Variants in IL36B observed in about 807,000 individuals in gnomAD.
IL36B encodes interleukin 36 beta.
A neutral mutation model predicts 19.3 loss-of-function variants in IL36B; 23 were observed. The ratio of observed to expected loss-of-function variants is 1.19; its 90% confidence interval spans 0.86 to 1.69. The LOEUF is 1.69. IL36B is among the 40% of genes most tolerant of loss of function. IL36B has a pLI of 0.00. For missense variants in IL36B, 217 were observed against 200.5 expected (o/e 1.08, Z -0.50); for synonymous variants, 59 against 59.7 (o/e 0.99, Z 0.05).
chr2:113,035,653 T>A (rs72944575), intron 1 of IL36B, among the ~76,000 whole-genome samples: 1 of 151,982 alleles, frequency 6.6e-6, no homozygotes, highest in Non-Finnish European at 1.5e-5. Flanking sequence ...ACAAAAATAT[T>A]TTGATGTTTA....
chr2:113,026,099 T>C lies in IL36B; in HGVS notation c.391+4A>G, dbSNP rs1340036531. ...TGGGATGGATAAGAGAATTTGCTCC[T>C]CACCCACTCCTATTCCCCATTGGTC... On this transcript the variant is annotated splice_donor_region_variant and intron_variant, in intron 5 of 5. Coordinates refer to ENST00000259213, the MANE Select transcript of IL36B (RefSeq NM_014438.5). 1 of 1,613,364 alleles carries C rather than the reference T, an allele frequency of 6.2e-7. No individual in the cohort carries two copies. The highest frequency in any genetic ancestry group is 8.5e-7 in the Non-Finnish European group (1 of 1,179,556).
chr2:113,029,135 GT>G (rs1166765196), intron 3 of IL36B, 57 bp from the exon 4 acceptor site: 2 of 1,553,254 alleles, frequency 1.3e-6, no homozygotes, highest in Middle Eastern at 1.7e-4. Context: ...CTGACACTCA[GT>G]TACTCCCCCC....
rs34433610 is a variant in IL36B, at chr2:113,037,522, G to A, written c.-57-5756C>T. Among the ~76,000 whole-genome samples the A allele has an allele frequency of 1.6e-3, 247 of 152,240 alleles. 1 individual carries two copies. The highest frequency in any genetic ancestry group is 5.7e-3 in the African/African-American group (235 of 41,538). On this transcript the variant is annotated intron_variant, in intron 1 of 5. Transcript: ENST00000259213. The stretch of plus-strand genomic sequence containing the variant: ...AAATTAGCCAGGCGTGGTGGCACAT[G>A]CTTGTAGTCCCAGCTACTCGGGAGG...
intron 4 of IL36B, among the ~76,000 whole-genome samples, chr2:113,028,679 A>C (rs1379340157): frequency 6.6e-6 from 1 of 152,184 alleles, no homozygotes; most frequent in Non-Finnish European, 1.5e-5. Flanking sequence ...AATGGAGAAA[A>C]TACTGTTCTT....
In IL36B at chr2:113,022,417, A is replaced by G. The variant is rs1684877873; in HGVS notation, c.*257T>C. 3.9e-6 allele frequency: 1 copy of G among 253,988 alleles called. No individual in the cohort carries two copies. Among genetic ancestry groups the G allele is most frequent in the African/African-American group, 2.3e-5 (1 of 44,262 alleles). 15.7% of individuals were successfully genotyped at this position (253,988 alleles called of 1,614,324 possible). A position where few individuals can be genotyped will look rare whatever the true frequency, so the allele number is the denominator to read the frequency against. On this transcript the variant is annotated 3_prime_UTR_variant, in exon 6 of 6. Coordinates refer to ENST00000259213, the MANE Select transcript of IL36B (RefSeq NM_014438.5). ...GAAAACCTTGACTTTACAATTTTTT[A>G]AAAAACACTCTAAGGACTGGACAAA...
chr2:113,022,614 T>C lies in IL36B; in HGVS notation c.*60A>G, dbSNP rs1295894554. ...TCTGCAACTTATTCCATTTGTAGCA[T>C]TTCATTGATAGCAAACCCACTCAAA... On this transcript the variant is annotated 3_prime_UTR_variant, in exon 6 of 6. Transcript: ENST00000259213. The C allele has an allele frequency of 7.3e-6, 8 of 1,098,200 alleles. No individual in the cohort carries two copies. Among genetic ancestry groups the C allele is most frequent in the Non-Finnish European group, 9.8e-6 (7 of 714,428 alleles). 68.0% of individuals were successfully genotyped at this position (1,098,200 alleles called of 1,614,324 possible). A position where few individuals can be genotyped will look rare whatever the true frequency, so the allele number is the denominator to read the frequency against.
intron 1 of IL36B, among the ~76,000 whole-genome samples, chr2:113,035,079 G>T (rs1685143347): frequency 6.6e-6 from 1 of 152,228 alleles, no homozygotes; most frequent in Non-Finnish European, 1.5e-5. Context: ...AGAACTTTTA[G>T]ACATTTAAAG....
At chr2:113,028,222 G>T in intron 4 of IL36B, 107 bp from the exon 5 acceptor site, 2 of 863,540 alleles carry the variant, frequency 2.3e-6, no homozygotes, top group Middle Eastern at 5.9e-4. Flanking sequence ...CCAAAGGAAG[G>T]GACAGAGGCT....
At chr2:113,031,505 GC>G (rs1205140551) in intron 2 of IL36B, among the ~76,000 whole-genome samples, 191 bp downstream of exon 2, 1 of 152,008 alleles carries the variant, frequency 6.6e-6, no homozygotes, top group Admixed American at 6.6e-5. Flanking sequence ...AAATAAACAA[GC>G]AATTCTAAAT....
chr2:113,023,306 C>T (rs1684895094), intron 5 of IL36B, among the ~76,000 whole-genome samples: 2 of 152,170 alleles, frequency 1.3e-5, no homozygotes, highest in South Asian at 4.1e-4. Flanking sequence ...CCTGACACTT[C>T]CTTTGAGATA....
At chr2:113,044,258 ATATGTGTGTGTGTGTGTGTG>A (rs929602076) in intron 1 of IL36B, among the ~76,000 whole-genome samples, 5 of 131,280 alleles carry the variant, frequency 3.8e-5, no homozygotes, top group African/African-American at 1.5e-4. Flanking sequence ...ATCTATATCT[ATATGTGTGTGTGTGTGTGTG>A]TGTGTGTGTG....
intron 4 of IL36B, chr2:113,027,979 G>A (rs1165451916): frequency 1.7e-5 from 28 of 1,614,074 alleles, no homozygotes; most frequent in Non-Finnish European, 2.3e-5. Context: ...GGGCTGTCCT[G>A]ATGTGGTGGA....
At chr2:113,034,767 G>A (rs1035894685) in intron 1 of IL36B, among the ~76,000 whole-genome samples, 1 of 152,252 alleles carries the variant, frequency 6.6e-6, no homozygotes, top group African/African-American at 2.4e-5. Flanking sequence ...AGGGCCAGGG[G>A]ATGCTCTCCT....
chr2:113,031,218 A>T (rs911105230), intron 2 of IL36B, 63 bp from the exon 3 acceptor site: 2 of 1,084,796 alleles, frequency 1.8e-6, no homozygotes, highest in Non-Finnish European at 2.9e-6. Context: ...CTCCAGTTGC[A>T]TCCTGGTATT....
chr2:113,030,105 C>A (rs1295316569), intron 3 of IL36B, among the ~76,000 whole-genome samples: 1 of 152,048 alleles, frequency 6.6e-6, no homozygotes, highest in Non-Finnish European at 1.5e-5. Context: ...GTGGTGGGCA[C>A]CTGTAATCCC....
At chr2:113,040,089 A>G (rs1685228575) in intron 1 of IL36B, among the ~76,000 whole-genome samples, 1 of 152,260 alleles carries the variant, frequency 6.6e-6, no homozygotes, top group Admixed American at 6.5e-5. Flanking sequence ...AAAGATCATC[A>G]ATGAAGACCA....
Position 113,025,366 on chromosome 2 carries a change from C to G in IL36B, c.391+737G>C, listed in dbSNP as rs1232012640. On this transcript the variant is annotated intron_variant, in intron 5 of 5. Transcript: ENST00000259213. Reference sequence around the variant, plus strand: ...TGATATAATGCAAGATTCTCCCTGACACACTTTGGTATTAATGGGAAGATG... The same window carrying G: ...TGATATAATGCAAGATTCTCCCTGAGACACTTTGGTATTAATGGGAAGATG... Among the ~76,000 whole-genome samples, 3 of 152,198 alleles carry G rather than the reference C, an allele frequency of 2.0e-5. No homozygotes were observed. In the East Asian group the frequency reaches 5.8e-4, roughly 29 times the overall value.
At position 113,031,465 on chromosome 2, in the gene IL36B, C is replaced by T. The variant is rs72944555; in HGVS notation, c.13+232G>A. Among the ~76,000 whole-genome samples, 1,065 of 152,082 alleles carry T rather than the reference C, an allele frequency of 7.0e-3. 14 individuals carry two copies. The highest frequency in any genetic ancestry group is 0.025 in the African/African-American group (1,018 of 41,468). ...CCCCATAATATTTAAATTAGTTATC[C>T]ATATGTTGTTTTTTAAAATCCTCTC... On this transcript the variant is annotated intron_variant, in intron 2 of 5. Coordinates refer to ENST00000259213, the MANE Select transcript of IL36B (RefSeq NM_014438.5).
intron 1 of IL36B, among the ~76,000 whole-genome samples, chr2:113,043,023 A>T (rs1235423372): frequency 6.6e-6 from 1 of 151,704 alleles, no homozygotes; most frequent in Non-Finnish European, 1.5e-5. Context: ...TTTCCCAATG[A>T]CTAATTATAT....
Sources: allele counts gnomAD v4.1 joint callset (sites outside exome capture counted in the v4.1 genomes callset), GRCh38; gene constraint gnomAD v4.1.1; transcripts MANE v1.5; gene names NCBI Gene and HGNC (gene_info 2026-07-23, HGNC 2026-07-21).